ABCC6: variants seen among roughly 807,000 people sequenced by gnomAD.
The protein encoded by ABCC6 is ATP binding cassette subfamily C member 6, also known as ATP-binding cassette sub-family C member 6.
In ABCC6, 126 loss-of-function variants were observed where a neutral mutation model predicts 169.5. That is an observed-to-expected ratio of 0.74 (90% CI 0.64 to 0.86). The LOEUF (loss-of-function observed/expected upper bound fraction) is 0.86, where lower values mean the gene tolerates loss of function less well. Among genes scored for constraint, ABCC6 ranks in the 40% least tolerant of loss-of-function variants. The probability of loss-of-function intolerance (pLI) is 0.00; values close to 1 mark genes in which losing one functional copy is unlikely to be tolerated. For synonymous variants in ABCC6, 752 were observed against 814.7 expected (o/e 0.92, Z 1.31); for missense variants, 1,733 against 1,927.2 (o/e 0.90, Z 1.89).
intron 10 of ABCC6, among the ~76,000 whole-genome samples, chr16:16,194,294 A>T (rs2047962782): frequency 6.6e-6 from 1 of 152,246 alleles, no homozygotes; most frequent in African/African-American, 2.4e-5. Flanking sequence ...AGATTTAGTA[A>T]ATCATCATAC....
Position 16,169,707 on chromosome 16 carries a change from A to C in ABCC6, c.2934T>G (p.Gly978=), listed in dbSNP as rs748551497. 1.2e-6 allele frequency: 2 copies of C among 1,611,352 alleles called. No homozygotes were observed. The highest frequency in any genetic ancestry group is 1.7e-6 in the Non-Finnish European group (2 of 1,179,530). The change falls in exon 22 of 31, where the codon GGT becomes GGG. Residue 978 remains glycine (G), a synonymous_variant. Coordinates refer to ENST00000205557, the MANE Select transcript of ABCC6 (RefSeq NM_001171.6). ...GCAGGGCTGCCTGCGTCTGCTGCCC[A>C]CCTACTGCAGGGTCGTCCGCCCACA... ...LSLWADDPAV[G]GQQTQAALRG... is the part of the protein sequence containing the mutation.
intron 10 of ABCC6, among the ~76,000 whole-genome samples, chr16:16,193,981 G>A (rs1373608941): frequency 6.6e-6 from 1 of 152,184 alleles, no homozygotes; most frequent in Non-Finnish European, 1.5e-5. Context: ...TTCAATGTCA[G>A]GGAGGGAAAC....
intron 11 of ABCC6, among the ~76,000 whole-genome samples, chr16:16,190,898 G>A (rs969925344): frequency 2.5e-5 from 3 of 122,208 alleles, no homozygotes; most frequent in African/African-American, 9.1e-5. Context: ...GAGGGGAGGG[G>A]CTTGAGATGG....
chr16:16,193,732 C>T (rs1398535477), intron 10 of ABCC6, among the ~76,000 whole-genome samples: 1 of 152,144 alleles, frequency 6.6e-6, no homozygotes, highest in Non-Finnish European at 1.5e-5. Context: ...AACAAACAAA[C>T]ACTTGCTTTC....
chr16:16,157,457 G>T (rs2046586100), intron 27 of ABCC6, among the ~76,000 whole-genome samples: 1 of 152,086 alleles, frequency 6.6e-6, no homozygotes, highest in African/African-American at 2.4e-5. Flanking sequence ...CCTCATCTGG[G>T]GACACCAAGG....
chr16:16,158,968 G>T lies in ABCC6; in HGVS notation c.3735+514C>A, dbSNP rs779933345. On this transcript the variant is annotated intron_variant, in intron 26 of 30. Transcript: ENST00000205557. ...CATGTTACTAAAATGTTGCTATTAC[G>T]TTACTATTACATTGCTATGTTGTGG... Among the ~76,000 whole-genome samples, 105 of 151,598 alleles carry T rather than the reference G, an allele frequency of 6.9e-4. 1 individual carries two copies. Among genetic ancestry groups the T allele is most frequent in the African/African-American group, 2.5e-3 (101 of 41,196 alleles).
intron 29 of ABCC6, among the ~76,000 whole-genome samples, chr16:16,151,484 C>T (rs2046386292): frequency 6.6e-6 from 1 of 152,230 alleles, no homozygotes; most frequent in African/African-American, 2.4e-5. Flanking sequence ...AACAAACCTA[C>T]AATGACTGAC....
intron 5 of ABCC6, among the ~76,000 whole-genome samples, chr16:16,213,376 A>G (rs1361466925): frequency 6.6e-6 from 1 of 151,964 alleles, no homozygotes; most frequent in African/African-American, 2.4e-5. Flanking sequence ...GATTACAGGC[A>G]TGATCCACTG....
chr16:16,172,243 T>G (rs1596632151), intron 21 of ABCC6, among the ~76,000 whole-genome samples: 2 of 143,036 alleles, frequency 1.4e-5, no homozygotes, highest in African/African-American at 2.6e-5. Context: ...GTGGGTGGGA[T>G]GGATAAATGG....
chr16:16,192,007 TG>T (rs544346225), intron 11 of ABCC6, among the ~76,000 whole-genome samples: 3 of 151,726 alleles, frequency 2.0e-5, no homozygotes, highest in Non-Finnish European at 4.4e-5. Flanking sequence ...GGAAGTGCTG[TG>T]GGGGGAAAAA....
At chr16:16,209,978 G>C (rs1382046540) in intron 6 of ABCC6, among the ~76,000 whole-genome samples, 1 of 152,024 alleles carries the variant, frequency 6.6e-6, no homozygotes, top group Admixed American at 6.6e-5. Context: ...TGATCTGTCA[G>C]GGTTGGCCTT....
Position 16,178,787 on chromosome 16 carries a change from C to T in ABCC6, c.2415+11G>A, listed in dbSNP as rs1417523208. ...TGCCCTGTACTGTCTGACACATGTT[C>T]CCAAACTTACTGTTCCCTGGAGTAG... On this transcript the variant is annotated intron_variant, in intron 18 of 30. Transcript: ENST00000205557. 1 of 1,613,746 alleles carries T rather than the reference C, an allele frequency of 6.2e-7. No homozygotes were observed. The highest frequency in any genetic ancestry group is 1.7e-5 in the Admixed American group (1 of 60,002).
chr16:16,202,847 C>T (rs2152283265), intron 8 of ABCC6, among the ~76,000 whole-genome samples: 1 of 152,310 alleles, frequency 6.6e-6, no homozygotes, highest in African/African-American at 2.4e-5. Context: ...GGCTACAAAA[C>T]CGGCTTTGGC....
At chr16:16,199,836 G>A (rs2013019084) in intron 9 of ABCC6, among the ~76,000 whole-genome samples, 1 of 150,618 alleles carries the variant, frequency 6.6e-6, no homozygotes, top group African/African-American at 2.4e-5. Context: ...GGGAGGCTGA[G>A]GCGGGTGGAT....
chr16:16,194,787 C>G (rs1392798219), intron 10 of ABCC6, among the ~76,000 whole-genome samples: 1 of 152,000 alleles, frequency 6.6e-6, no homozygotes, highest in African/African-American at 2.4e-5. Context: ...GCTTCCCAAG[C>G]GATTCTCCTG....
chr16:16,173,228 G>C, intron 21 of ABCC6, 56 bp downstream of exon 21: 1 of 1,610,736 alleles, frequency 6.2e-7, no homozygotes, highest in Non-Finnish European at 8.5e-7. Flanking sequence ...GGGAAGACTT[G>C]GGCCCCTGGA....
rs35287964 is a variant in ABCC6 at position 16,196,209 on chromosome 16, C to CAAA, written c.1338+1809_1338+1811dup. On this transcript the variant is annotated intron_variant, in intron 10 of 30. Coordinates refer to ENST00000205557, the MANE Select transcript of ABCC6 (RefSeq NM_001171.6). Reference sequence around the variant, plus strand: ...TGGGCAACACAGTGAGACTCTGTCTCAAAAAAAAAAAAAAAATCAAAAGGA... The same window carrying CAAA: ...TGGGCAACACAGTGAGACTCTGTCTCAAAAAAAAAAAAAAAAAAATCAAAAGGA... Among the ~76,000 whole-genome samples the CAAA allele has an allele frequency of 3.6e-3, 474 of 131,574 alleles. 6 individuals are homozygous for CAAA. Among genetic ancestry groups the CAAA allele is most frequent in the Middle Eastern group, 0.019 (5 of 260 alleles). 86.3% of individuals were successfully genotyped at this position (131,574 alleles called of 152,430 possible).
chr16:16,159,454 G>C lies in ABCC6; in HGVS notation c.3735+28C>G, dbSNP rs2046644121. 3 of 1,602,586 alleles carry C rather than the reference G, an allele frequency of 1.9e-6. No homozygotes were observed. In the East Asian group the frequency reaches 6.7e-5, roughly 36 times the overall value. On this transcript the variant is annotated intron_variant, in intron 26 of 30. Coordinates refer to ENST00000205557, the MANE Select transcript of ABCC6 (RefSeq NM_001171.6). Reference sequence around the variant, plus strand: ...CCCCCCCACAATATGTCCTTGCTGGGACCCCCTCCCCACCTCCCGCCCATC... The same window carrying C: ...CCCCCCCACAATATGTCCTTGCTGGCACCCCCTCCCCACCTCCCGCCCATC...
At position 16,174,760 on chromosome 16, in the gene ABCC6, A is replaced by ACCC. The variant is rs386789398; in HGVS notation, c.2666+1148_2666+1150dup. Among the ~76,000 whole-genome samples, 78 of 94,698 alleles carry ACCC rather than the reference A, an allele frequency of 8.2e-4. 1 individual carries two copies. Among genetic ancestry groups the ACCC allele is most frequent in the African/African-American group, 2.6e-3 (76 of 29,262 alleles). 62.1% of individuals were successfully genotyped at this position (94,698 alleles called of 152,430 possible). On this transcript the variant is annotated intron_variant, in intron 20 of 30. Transcript: ENST00000205557. ...CGACAGAGCAAGATTCTGTCTCAAA[A>ACCC]CCCCCCCCCGCAAAAAACAAAAAAC... is the stretch of plus-strand genomic sequence containing the variant.
Sources: allele counts gnomAD v4.1 joint callset (sites outside exome capture counted in the v4.1 genomes callset), GRCh38; gene constraint gnomAD v4.1.1; transcripts MANE v1.5; gene names NCBI Gene and HGNC (gene_info 2026-07-23, HGNC 2026-07-21).